STARD3: variants seen among roughly 807,000 people sequenced by gnomAD.
The protein encoded by STARD3 is stAR-related lipid transfer protein 3.
STARD3 carries 39 observed loss-of-function variants against 62.0 expected under a neutral mutation model. That is an observed-to-expected ratio of 0.63 (90% CI 0.49 to 0.82). The LOEUF is 0.82. STARD3 is among the 40% of genes least tolerant of loss of function. The pLI, the probability that STARD3 is intolerant of heterozygous loss-of-function variation, is 0.00. For missense variants in STARD3, 543 were observed against 584.5 expected, an observed-to-expected ratio of 0.93 and a Z score of 0.73; for synonymous variants, 229 against 242.4, an observed-to-expected ratio of 0.94 and a Z score of 0.51.
chr17:39,647,506 T>C (rs2057037937), intron 1 of STARD3, among the ~76,000 whole-genome samples: 1 of 152,156 alleles, frequency 6.6e-6, no homozygotes, highest in African/African-American at 2.4e-5. Flanking sequence ...GGTGGAGGCC[T>C]GCGCTAGCTG....
intron 1 of STARD3, among the ~76,000 whole-genome samples, chr17:39,651,583 A>T (rs1384787954): frequency 2.6e-5 from 4 of 151,374 alleles, no homozygotes; most frequent in Non-Finnish European, 5.9e-5. Flanking sequence ...TTTTTTTTTG[A>T]GACGGAGTCT....
Position 39,660,891 on chromosome 17 carries a change from T to C in STARD3, c.1034+2T>C. The C allele has an allele frequency of 1.2e-6, 2 of 1,604,404 alleles. No homozygotes were observed. The highest frequency in any genetic ancestry group is 1.7e-6 in the Non-Finnish European group (2 of 1,173,474). On this transcript the variant is annotated splice_donor_variant, in intron 12 of 14. Transcript: ENST00000336308. LOFTEE classifies it high-confidence loss of function. This position sits in a 1 kb window ranked among gnomAD's most constrained non-coding sequence, Gnocchi z 4.8. ...TGCGGGCGGCGTGGTCTCCCCAAGG[T>C]GAGTCCATGCCGGGCCCCCTCCTTT...
rs773382962 is a variant in STARD3, at chr17:39,662,797, C to T, written c.1234-7C>T. The T allele has an allele frequency of 1.1e-5, 18 of 1,603,692 alleles. No homozygotes were observed. The highest frequency in any genetic ancestry group is 1.4e-5 in the Non-Finnish European group (17 of 1,175,170). ...ATCAAGTGTGACTTCTGCCTGCCTT[C>T]CCCCAGGGCCGCCTGCCCCGGTACC... On this transcript the variant is annotated splice_polypyrimidine_tract_variant and splice_region_variant and intron_variant, in intron 14 of 14. Transcript: ENST00000336308.
At position 39,663,162 on chromosome 17, in the gene STARD3, C is replaced by G. The variant is rs531705954; in HGVS notation, c.*254C>G. Reference sequence around the variant, plus strand: ...ACATGGCGCCCTGCCTCCTGGAGGACCAGATTGCTCTGCCCCACCTTGCCA... The same window carrying G: ...ACATGGCGCCCTGCCTCCTGGAGGAGCAGATTGCTCTGCCCCACCTTGCCA... On this transcript the variant is annotated 3_prime_UTR_variant, in exon 15 of 15. Transcript: ENST00000336308. The G allele has an allele frequency of 7.5e-4, 340 of 455,794 alleles. 6 individuals carry two copies. The South Asian group carries it at 0.015, about 20-fold the overall frequency. The allele number at this position is 455,794 out of a possible 1,614,324, so 28.2% of individuals were successfully genotyped here.
rs751160780 is a variant in STARD3, at chr17:39,658,768, C to T, written c.594C>T (p.Phe198=). 3.7e-6 allele frequency: 6 copies of T among 1,614,044 alleles called. No homozygotes were observed. The highest frequency in any genetic ancestry group is 2.2e-5 in the South Asian group (2 of 91,076). ...QVAVARGPLL[F]SGALSEGQFY... ...CTGTTGCCCGTGGACCCCTGCTGTTCTCCGGTGCTCTGTCCGAGGGACAGT... is the reference window on the plus strand; with the variant it reads ...CTGTTGCCCGTGGACCCCTGCTGTTTTCCGGTGCTCTGTCCGAGGGACAGT... The change falls in exon 7 of 15, where the codon TTC becomes TTT. Residue 198 remains phenylalanine, a synonymous_variant. Coordinates refer to ENST00000336308, the MANE Select transcript of STARD3 (RefSeq NM_006804.4).
chr17:39,660,554 G>T lies in STARD3; in HGVS notation c.954+28G>T. On this transcript the variant is annotated intron_variant, in intron 11 of 14. Coordinates refer to ENST00000336308, the MANE Select transcript of STARD3 (RefSeq NM_006804.4). This position sits in a 1 kb window ranked among gnomAD's most constrained non-coding sequence, Gnocchi z 4.8. ...GAGCCCAGTCTGGCTGCCTCTTAAGGCACAGATGGGGGCACAGCCACGCCT... is the reference window on the plus strand; with the variant it reads ...GAGCCCAGTCTGGCTGCCTCTTAAGTCACAGATGGGGGCACAGCCACGCCT... 6.2e-7 allele frequency: 1 copy of T among 1,611,192 alleles called. No individual in the cohort carries two copies. Among genetic ancestry groups the T allele is most frequent in the South Asian group, 1.1e-5 (1 of 91,020 alleles).
intron 1 of STARD3, among the ~76,000 whole-genome samples, chr17:39,643,047 A>G (rs2056994778): frequency 6.6e-6 from 1 of 152,092 alleles, no homozygotes; most frequent in African/African-American, 2.4e-5. Flanking sequence ...CTGGCTTTTA[A>G]CAGGATCCCT....
Position 39,661,062 on chromosome 17 carries a change from G to A in STARD3, c.1116G>A (p.Lys372=), listed in dbSNP as rs1210673877. The A allele has an allele frequency of 6.2e-7, 1 of 1,613,648 alleles. No individual in the cohort carries two copies. Among genetic ancestry groups the A allele is most frequent in the East Asian group, 2.2e-5 (1 of 44,872 alleles). The change falls in exon 13 of 15, where the codon AAG becomes AAA. Residue 372 remains lysine (K), a synonymous_variant. Coordinates refer to ENST00000336308, the MANE Select transcript of STARD3 (RefSeq NM_006804.4). The part of the protein sequence containing the change: ...SSGIATSHSA[K]PPTHKYVRGE... ...GGATCGCCACCTCACACAGTGCCAA[G>A]CCCCCGACGCACAAATATGTCCGGT...
intron 1 of STARD3, among the ~76,000 whole-genome samples, chr17:39,648,660 G>A (rs999293378): frequency 2.6e-5 from 4 of 152,132 alleles, no homozygotes; most frequent in African/African-American, 9.7e-5. Flanking sequence ...AGCTGCTTTC[G>A]GTGGGAGGGT....
At chr17:39,650,791 T>G (rs1441209036) in intron 1 of STARD3, among the ~76,000 whole-genome samples, 1 of 152,152 alleles carries the variant, frequency 6.6e-6, no homozygotes, top group Non-Finnish European at 1.5e-5. Context: ...TCCAGCCTGG[T>G]TGACAGAGCA....
Position 39,660,320 on chromosome 17 carries a change from G to GCTC in STARD3, c.858+49_858+51dup. 6.2e-7 allele frequency: 1 copy of GCTC among 1,613,224 alleles called. No homozygotes were observed. The highest frequency in any genetic ancestry group is 8.5e-7 in the Non-Finnish European group (1 of 1,179,498). ...CCTGGAGCCCCAGACAGCACAGGAGGCTCCAGGAAGGTGCCGAGGGGCCCT... is the reference window on the plus strand; with the variant it reads ...CCTGGAGCCCCAGACAGCACAGGAGGCTCCTCCAGGAAGGTGCCGAGGGGCCCT... On this transcript the variant is annotated intron_variant, in intron 10 of 14. Transcript: ENST00000336308. The surrounding 1 kb of genome is among the most constrained non-coding windows in gnomAD (Gnocchi z 4.8).
intron 2 of STARD3, 70 bp downstream of exon 2, chr17:39,653,820 A>G: frequency 2.5e-6 from 4 of 1,573,838 alleles, no homozygotes; most frequent in Non-Finnish European, 2.6e-6. Context: ...TCCATCTGCC[A>G]CATGGGAGGG....
At position 39,657,784 on chromosome 17, in the gene STARD3, T is replaced by G; in HGVS notation, c.307T>G (p.Phe103Val). ...TSFFDIFVLA[F>V]FRFSGLLLGY... is the part of the protein sequence containing the mutation. ...TCCCGTCCCCCACCAGGTCCTGGCC[T>G]TCTTCCGCTTCTCTGGACTGCTCCT... The change falls in exon 4 of 15, where the codon TTC becomes GTC. Residue 103 changes from phenylalanine to valine, a missense_variant. By Grantham distance (50) the Phe-to-Val change is conservative. Coordinates refer to ENST00000336308, the MANE Select transcript of STARD3 (RefSeq NM_006804.4). 2 of 1,614,174 alleles carry G rather than the reference T, an allele frequency of 1.2e-6. No homozygotes were observed. Among genetic ancestry groups the G allele is most frequent in the Non-Finnish European group, 1.7e-6 (2 of 1,179,998 alleles).
At chr17:39,659,133 T>C (rs555026585) in intron 8 of STARD3, 27 bp downstream of exon 8, 3 of 1,613,954 alleles carry the variant, frequency 1.9e-6, no homozygotes, top group Non-Finnish European at 8.5e-7. Context: ...CCCTAACCCC[T>C]GCCCTTGGAA....
In STARD3 at chr17:39,662,868, A is replaced by T. The variant is rs1319361294; in HGVS notation, c.1298A>T (p.His433Leu). The T allele has an allele frequency of 6.2e-7, 1 of 1,612,142 alleles. No individual in the cohort carries two copies. Among genetic ancestry groups the T allele is most frequent in the Admixed American group, 1.7e-5 (1 of 59,860 alleles). ...GCCACCATGTTTGAATTTGCCTTTC[A>T]CCTGCGACAGCGCATCAGCGAGCTG... ...LAATMFEFAF[H>L]LRQRISELGA... Residue 433 changes from histidine (H) to leucine (L), a missense_variant, in exon 15 of 15, where the codon CAC becomes CTC. By Grantham distance (99) the His-to-Leu change is moderately conservative. Transcript: ENST00000336308.
At chr17:39,649,357 GC>G (rs779200770) in intron 1 of STARD3, among the ~76,000 whole-genome samples, 1 of 152,180 alleles carries the variant, frequency 6.6e-6, no homozygotes, top group Non-Finnish European at 1.5e-5. Context: ...ATTCACTGCA[GC>G]ATTTCTGGAA....
rs778473998 is a variant in STARD3 at position 39,660,423 on chromosome 17, T to C, written c.859-8T>C. ...GGCACCACCCAGCCCTCTGCCGCCC[T>C]GTCCCAGACCTTCCTGCCCTGTCCT... On this transcript the variant is annotated splice_polypyrimidine_tract_variant and splice_region_variant and intron_variant, in intron 10 of 14. Coordinates refer to ENST00000336308, the MANE Select transcript of STARD3 (RefSeq NM_006804.4). This position sits in a 1 kb window ranked among gnomAD's most constrained non-coding sequence, Gnocchi z 4.8. 2 of 1,613,552 alleles carry C rather than the reference T, an allele frequency of 1.2e-6. No homozygotes were observed. Among genetic ancestry groups the C allele is most frequent in the Admixed American group, 1.7e-5 (1 of 60,006 alleles).
Position 39,660,903 on chromosome 17 carries a change from G to T in STARD3, c.1034+14G>T. On this transcript the variant is annotated intron_variant, in intron 12 of 14. Transcript: ENST00000336308. This position sits in a 1 kb window ranked among gnomAD's most constrained non-coding sequence, Gnocchi z 4.8. ...GGTCTCCCCAAGGTGAGTCCATGCC[G>T]GGCCCCCTCCTTTCAGCCAGGTCTT... 1 of 1,605,202 alleles carries T rather than the reference G, an allele frequency of 6.2e-7. No individual in the cohort carries two copies. The highest frequency in any genetic ancestry group is 1.1e-5 in the South Asian group (1 of 90,498).
At chr17:39,662,025 C>T (rs889903903) in intron 13 of STARD3, among the ~76,000 whole-genome samples, 1 of 152,004 alleles carries the variant, frequency 6.6e-6, no homozygotes, top group African/African-American at 2.4e-5. Context: ...ACCAACAGGC[C>T]GTTGTAGGAG....
Sources: gnomAD v4.1 joint callset for allele counts (sites outside exome capture counted in the v4.1 genomes callset) on GRCh38, gnomAD v4.1.1 for gene constraint, Gnocchi (gnomAD v3.1) non-coding constraint, MANE v1.5 for transcripts, NCBI Gene and HGNC (gene_info 2026-07-23, HGNC 2026-07-21) for gene names.